C10orf67: variants seen among roughly 807,000 people sequenced by gnomAD.
C10orf67 encodes the protein chromosome 10 open reading frame 67, also known as uncharacterized protein C10orf67, mitochondrial.
Under a neutral mutation model 35.6 loss-of-function variants are expected in C10orf67, and 60 were observed. The observed-to-expected ratio is 1.68, with a 90% CI of 1.37 to 2.09. The LOEUF is 2.09. C10orf67 is among the 30% of genes most tolerant of loss of function. C10orf67 has a pLI of 0.00. For synonymous variants in C10orf67, 167 were observed against 115.8 expected, an observed-to-expected ratio of 1.44 and a Z score of -2.84; for missense variants, 474 against 330.2, an observed-to-expected ratio of 1.44 and a Z score of -3.38.
At chr10:23,342,873 T>G (rs963327585) in intron 1 of C10orf67, among the ~76,000 whole-genome samples, 8 of 152,260 alleles carry the variant, frequency 5.3e-5, no homozygotes, top group Non-Finnish European at 1.0e-4. Flanking sequence ...CCTGGAGCTG[T>G]GTCTGTGTGA....
intron 13 of C10orf67, among the ~76,000 whole-genome samples, chr10:23,232,505 G>A (rs530471230): frequency 5.0e-4 from 76 of 152,228 alleles, no homozygotes; most frequent in African/African-American, 1.8e-3. Context: ...AGTTTGCCAC[G>A]GTATACATAA....
rs192780586 is a variant in C10orf67, at chr10:23,205,565, A to G, written c.1571-1310T>C. Among the ~76,000 whole-genome samples, 132 of 152,354 alleles carry G rather than the reference A, an allele frequency of 8.7e-4. 1 individual carries two copies. The highest frequency in any genetic ancestry group is 3.0e-3 in the African/African-American group (125 of 41,576). On this transcript the variant is annotated intron_variant, in intron 15 of 15. Transcript: ENST00000636213. ...GTTCTGGTAGTACAATGTTGAAGGA[A>G]TAGTGGAAACTTGCTAGAGTTAAGT... is the stretch of plus-strand genomic sequence containing the variant.
At chr10:23,298,203 C>T (rs1443435536) in intron 5 of C10orf67, among the ~76,000 whole-genome samples, 11 of 151,850 alleles carry the variant, frequency 7.2e-5, no homozygotes, top group African/African-American at 2.2e-4. Flanking sequence ...TGCAGTGAGC[C>T]GAGATGGCAC....
At chr10:23,300,165 T>C (rs1844024685) in intron 5 of C10orf67, among the ~76,000 whole-genome samples, 1 of 152,128 alleles carries the variant, frequency 6.6e-6, no homozygotes. Flanking sequence ...AGAGGATCTT[T>C]GTCCCCTGGG....
At chr10:23,230,463 A>G (rs894889055) in intron 13 of C10orf67, among the ~76,000 whole-genome samples, 5 of 152,192 alleles carry the variant, frequency 3.3e-5, no homozygotes, top group African/African-American at 1.2e-4. Flanking sequence ...TTAAGTCAGA[A>G]TAACATTAAT....
chr10:23,311,450 G>C (rs1391823458), intron 4 of C10orf67, among the ~76,000 whole-genome samples: 1 of 152,198 alleles, frequency 6.6e-6, no homozygotes, highest in African/African-American at 2.4e-5. Context: ...GGTGGCTCAT[G>C]CCTGTAATCC....
intron 8 of C10orf67, among the ~76,000 whole-genome samples, chr10:23,278,366 C>T (rs961297706): frequency 5.3e-5 from 8 of 152,146 alleles, no homozygotes; most frequent in South Asian, 4.1e-4. Context: ...AACAGTATTA[C>T]GGGCTTATTA....
At chr10:23,202,543 A>T (rs1179022629), downstream of C10orf67, 1 of 152,188 alleles carries the variant, frequency 6.6e-6, no homozygotes, top group East Asian at 1.9e-4. Context: ...TGGGAAAAAA[A>T]TAAGTAAAAA....
At chr10:23,228,865 A>C (rs1033994539) in intron 13 of C10orf67, among the ~76,000 whole-genome samples, 11 of 152,204 alleles carry the variant, frequency 7.2e-5, no homozygotes, top group African/African-American at 2.2e-4. Flanking sequence ...AGAGAAATGC[A>C]AATCAAAACC....
rs1320005736 is a variant in C10orf67, at chr10:23,344,590, G to A, written c.185C>T (p.Pro62Leu). The A allele has an allele frequency of 6.3e-7, 1 of 1,578,884 alleles. No individual in the cohort carries two copies. The highest frequency in any genetic ancestry group is 2.3e-5 in the East Asian group (1 of 42,866). Reference protein sequence around the residue: ...RKREAREFKPPQMRGSTRLNI... With the variant: ...RKREAREFKPLQMRGSTRLNI... Reference sequence around the variant, plus strand: ...CTACCTCGTGGACCCGCGCATTTGCGGGGGCTTGAATTCCCGAGCTTCTCG... The same window carrying A: ...CTACCTCGTGGACCCGCGCATTTGCAGGGGCTTGAATTCCCGAGCTTCTCG... The change falls in exon 1 of 16, where the codon CCG becomes CTG. Residue 62 changes from proline to leucine, a missense_variant. Coordinates refer to ENST00000636213, the MANE Select transcript of C10orf67 (RefSeq NM_001371909.1).
chr10:23,252,952 C>A (rs1311678705), intron 10 of C10orf67, among the ~76,000 whole-genome samples: 1 of 151,446 alleles, frequency 6.6e-6, no homozygotes, highest in Non-Finnish European at 1.5e-5. Context: ...GGGTCTTTCC[C>A]ATGTTGTTCT....
At chr10:23,228,795 G>A (rs368139609) in intron 13 of C10orf67, among the ~76,000 whole-genome samples, 13 of 152,118 alleles carry the variant, frequency 8.5e-5, no homozygotes, top group South Asian at 2.1e-4. Flanking sequence ...GACACTTCTC[G>A]AAAGAAGACA....
chr10:23,261,317 C>T (rs529343038), intron 10 of C10orf67, among the ~76,000 whole-genome samples: 17 of 152,146 alleles, frequency 1.1e-4, no homozygotes, highest in Non-Finnish European at 2.4e-4. Context: ...TTTTAAGACA[C>T]ATTTCTTTGT....
intron 10 of C10orf67, among the ~76,000 whole-genome samples, chr10:23,258,783 C>G (rs1564475722): frequency 6.6e-6 from 1 of 152,306 alleles, no homozygotes; most frequent in East Asian, 1.9e-4. Context: ...AAGGTTTTCC[C>G]CCAGGAATAT....
At chr10:23,308,454 A>C (rs1297442163) in intron 4 of C10orf67, among the ~76,000 whole-genome samples, 1 of 152,176 alleles carries the variant, frequency 6.6e-6, no homozygotes, top group Non-Finnish European at 1.5e-5. Flanking sequence ...TCTGCTGCCA[A>C]CTTACCTGGC....
intron 4 of C10orf67, among the ~76,000 whole-genome samples, chr10:23,315,196 A>C (rs1844654532): frequency 6.6e-6 from 1 of 152,190 alleles, no homozygotes; most frequent in African/African-American, 2.4e-5. Context: ...ATTTTTTCTT[A>C]AGTCAACTAA....
intron 7 of C10orf67, among the ~76,000 whole-genome samples, chr10:23,283,632 A>C (rs1335879405): frequency 6.6e-6 from 1 of 151,996 alleles, no homozygotes; most frequent in Non-Finnish European, 1.5e-5. Context: ...CCTTGCCCTC[A>C]TGTTCTCTTC....
At chr10:23,342,020 C>G (rs1040895306) in intron 1 of C10orf67, among the ~76,000 whole-genome samples, 5 of 152,036 alleles carry the variant, frequency 3.3e-5, no homozygotes, top group African/African-American at 1.2e-4. Context: ...ATAAATTAGC[C>G]AGGCAGGCTG....
At chr10:23,261,575 G>A (rs1221371983) in intron 10 of C10orf67, among the ~76,000 whole-genome samples, 1 of 152,184 alleles carries the variant, frequency 6.6e-6, no homozygotes. Flanking sequence ...GCCTCTCAAA[G>A]TGTTGGAATT....
Sources: allele counts gnomAD v4.1 joint callset (sites outside exome capture counted in the v4.1 genomes callset), GRCh38; gene constraint gnomAD v4.1.1; transcripts MANE v1.5; gene names NCBI Gene and HGNC (gene_info 2026-07-23, HGNC 2026-07-21).